The following WDR37 variants were observed in gnomAD, a reference collection of about 807,000 sequenced individuals.
The protein encoded by WDR37 is WD repeat domain 37.
In WDR37, 19 loss-of-function variants were observed where a neutral mutation model predicts 62.9. The observed-to-expected ratio is 0.30, with a 90% confidence interval of 0.21 to 0.44. The LOEUF is 0.44. Among genes scored for constraint, WDR37 ranks in the 20% least tolerant of loss-of-function variants. WDR37 has a pLI of 1.00. For missense variants in WDR37, 474 were observed against 657.6 expected (o/e 0.72, Z 3.05); for synonymous variants, 250 against 260.9 (o/e 0.96, Z 0.40).
intron 11 of WDR37, chr10:1,124,011 G>C: frequency 1.6e-6 from 1 of 607,228 alleles, no homozygotes; most frequent in South Asian, 2.1e-5. Context: ...TGGACTGTGT[G>C]TTTCTGATCC....
At chr10:1,062,042 A>C (rs562972869) in intron 1 of WDR37, among the ~76,000 whole-genome samples, 4 of 150,658 alleles carry the variant, frequency 2.7e-5, no homozygotes, top group Admixed American at 2.6e-4. Flanking sequence ...CTGAGTTTCC[A>C]TGGAGGATGT....
chr10:1,131,771 A>C lies in WDR37; in HGVS notation c.*2427A>C, dbSNP rs1293004657. ...AACCACACGTGATCTCGTCTGAAACAGTGTTTGGAAGTGGGAACAGTTTTG... is the reference window on the plus strand; with the variant it reads ...AACCACACGTGATCTCGTCTGAAACCGTGTTTGGAAGTGGGAACAGTTTTG... On this transcript the variant is annotated 3_prime_UTR_variant, in exon 14 of 14. Transcript: ENST00000263150. 6.6e-6 allele frequency: 1 copy of C among 152,226 alleles called. No homozygotes were observed. Among genetic ancestry groups the C allele is most frequent in the Non-Finnish European group, 1.5e-5 (1 of 68,054 alleles). The allele number at this position is 152,226 out of a possible 1,614,324, so 9.4% of individuals were successfully genotyped here. A position where few individuals can be genotyped will look rare whatever the true frequency, so the allele number is the denominator to read the frequency against.
chr10:1,104,111 C>T (rs1834908900), intron 10 of WDR37, among the ~76,000 whole-genome samples: 1 of 152,164 alleles, frequency 6.6e-6, no homozygotes, highest in Non-Finnish European at 1.5e-5. Context: ...AACAAATTTC[C>T]ACAATCTTAG....
At chr10:1,095,165 T>C (rs1834531620) in intron 8 of WDR37, among the ~76,000 whole-genome samples, 2 of 137,302 alleles carry the variant, frequency 1.5e-5, no homozygotes, top group Non-Finnish European at 3.1e-5. Flanking sequence ...GTAATGAACA[T>C]GGAGAGGGGA....
chr10:1,080,305 G>A, intron 4 of WDR37, 107 bp from the exon 5 acceptor site: 3 of 1,454,982 alleles, frequency 2.1e-6, no homozygotes, highest in African/African-American at 1.4e-5. Context: ...GGTCAAACGA[G>A]CCTTTCTGGG....
rs770188134 is a variant in WDR37, at chr10:1,096,205, G to T, written c.685G>T (p.Ala229Ser). The change falls in exon 9 of 14, where the codon GCG (alanine) becomes TCG (serine). Residue 229 changes from alanine (A) to serine (S), a missense_variant. By Grantham distance (99) the Ala-to-Ser change is moderately conservative. Transcript: ENST00000263150. ...TCAGACTGCTCATATCTGGAGATAC[G>T]CGGTGCAGCTGCCGACACCCCAGCC... is the stretch of plus-strand genomic sequence containing the variant. ...GDQTAHIWRYAVQLPTPQPVA... is the reference protein window; with the variant it reads ...GDQTAHIWRYSVQLPTPQPVA... The T allele has an allele frequency of 6.2e-7, 1 of 1,614,086 alleles. No individual in the cohort carries two copies. The highest frequency in any genetic ancestry group is 8.5e-7 in the Non-Finnish European group (1 of 1,180,026).
In WDR37 at chr10:1,060,324, T is replaced by C. The variant is rs531726383; in HGVS notation, c.-41+3356T>C. On this transcript the variant is annotated intron_variant, in intron 1 of 13. Coordinates refer to ENST00000263150, the MANE Select transcript of WDR37 (RefSeq NM_014023.4). ...GGGGTGTATTACGTACACGGCAACA[T>C]ATACTAAGGGCAGGTGAACTGGACA... Among the ~76,000 whole-genome samples, 3 of 152,314 alleles carry C rather than the reference T, an allele frequency of 2.0e-5. No homozygotes were observed. In the East Asian group the frequency reaches 5.8e-4, roughly 29 times the overall value.
intron 7 of WDR37, among the ~76,000 whole-genome samples, chr10:1,092,046 G>C (rs1834406232): frequency 6.6e-6 from 1 of 151,722 alleles, no homozygotes; most frequent in Non-Finnish European, 1.5e-5. Context: ...CGGGCGTGTT[G>C]GCGGGCGCCT....
At chr10:1,059,020 C>A (rs1246538138) in intron 1 of WDR37, among the ~76,000 whole-genome samples, 1 of 152,158 alleles carries the variant, frequency 6.6e-6, no homozygotes, top group Non-Finnish European at 1.5e-5. Context: ...TGTTTAAAAT[C>A]CTACTGGATA....
At chr10:1,126,303 G>A (rs1835759078) in intron 13 of WDR37, among the ~76,000 whole-genome samples, 1 of 151,296 alleles carries the variant, frequency 6.6e-6, no homozygotes, top group East Asian at 1.9e-4. Context: ...CTACTCGGGA[G>A]GCTGAGGCAG....
chr10:1,083,114 T>C (rs1834083020), intron 5 of WDR37, among the ~76,000 whole-genome samples: 1 of 152,360 alleles, frequency 6.6e-6, no homozygotes, highest in East Asian at 1.9e-4. Context: ...CCTCCTAAAA[T>C]GTTACAATGT....
chr10:1,092,036 C>T (rs373571263), intron 7 of WDR37, among the ~76,000 whole-genome samples: 6 of 151,384 alleles, frequency 4.0e-5, no homozygotes, highest in South Asian at 2.1e-4. Context: ...AAAAATTAGC[C>T]GGGCGTGTTG....
intron 1 of WDR37, among the ~76,000 whole-genome samples, chr10:1,070,309 C>T (rs1833689472): frequency 6.6e-6 from 1 of 151,926 alleles, no homozygotes; most frequent in South Asian, 2.1e-4. Context: ...TAAAAACTGT[C>T]CTAAATAATA....
intron 9 of WDR37, among the ~76,000 whole-genome samples, chr10:1,100,361 G>A (rs762463096): frequency 6.6e-6 from 1 of 152,232 alleles, no homozygotes; most frequent in Non-Finnish European, 1.5e-5. Context: ...CCAGGTCCCT[G>A]CAGAAATGGC....
chr10:1,074,439 G>A (rs550216622), intron 2 of WDR37: 44 of 1,304,144 alleles, frequency 3.4e-5, no homozygotes, highest in East Asian at 5.5e-5. Context: ...TGTCTCCCAC[G>A]CTCGCTCCCT....
At chr10:1,074,415 C>T in intron 2 of WDR37, 1 of 1,303,746 alleles carries the variant, frequency 7.7e-7, no homozygotes, top group Non-Finnish European at 1.0e-6. Flanking sequence ...GTCCTCTGCT[C>T]CACCTTTGGC....
At chr10:1,089,663 AGTTCGGCCTTCCCGTGCTCACCCG>A (rs1834318474) in intron 7 of WDR37, among the ~76,000 whole-genome samples, 3 of 30,032 alleles carry the variant, frequency 1.0e-4, no homozygotes, top group African/African-American at 1.4e-4. Context: ...GCTCACCCGC[AGTTCGGCCTTCCCGTGCTCACCCG>A]CAGTTCGGCC....
chr10:1,089,690 G>T (rs61831019), intron 7 of WDR37, among the ~76,000 whole-genome samples: 1 of 44,670 alleles, frequency 2.2e-5, no homozygotes, highest in African/African-American at 5.6e-5. Context: ...CTCACCCGCA[G>T]TTCGGCCTTC....
intron 8 of WDR37, among the ~76,000 whole-genome samples, chr10:1,094,994 G>T (rs1227594815): frequency 6.7e-6 from 1 of 149,354 alleles, no homozygotes. Context: ...GAGGTGATGG[G>T]GATAGCGAGG....
Sources: gnomAD v4.1 joint callset for allele counts (sites outside exome capture counted in the v4.1 genomes callset) on GRCh38, gnomAD v4.1.1 for gene constraint, MANE v1.5 for transcripts, NCBI Gene and HGNC (gene_info 2026-07-23, HGNC 2026-07-21) for gene names.